The following CNTNAP2 variants were observed in gnomAD, a reference collection of about 807,000 sequenced individuals.
CNTNAP2 encodes the protein contactin-associated protein-like 2.
In CNTNAP2, 98 loss-of-function variants were observed where a neutral mutation model predicts 155.2. The observed-to-expected ratio is 0.63, with a 90% CI of 0.54 to 0.75. The LOEUF is 0.75. CNTNAP2 is among the 30% of genes least tolerant of loss of function. The pLI, the probability that CNTNAP2 is intolerant of heterozygous loss-of-function variation, is 0.00. For synonymous variants in CNTNAP2, 651 were observed against 631.2 expected (o/e 1.03, Z -0.47); for missense variants, 1,727 against 1,688.1 (o/e 1.02, Z -0.40).
At chr7:148,062,013 G>T (rs1563185665) in intron 15 of CNTNAP2, among the ~76,000 whole-genome samples, 70 of 128,998 alleles carry the variant, frequency 5.4e-4, no homozygotes, top group Non-Finnish European at 9.1e-4. Context: ...ATAGATGATA[G>T]AGAGAGAGAG....
intron 8 of CNTNAP2, among the ~76,000 whole-genome samples, chr7:147,296,437 C>A (rs961719157): frequency 1.2e-4 from 18 of 152,144 alleles, no homozygotes; most frequent in African/African-American, 4.3e-4. Context: ...AAGAATAAGC[C>A]TTTACATGCA....
At chr7:147,080,014 T>C (rs1406944909) in intron 4 of CNTNAP2, among the ~76,000 whole-genome samples, 1 of 151,476 alleles carries the variant, frequency 6.6e-6, no homozygotes, top group Admixed American at 6.6e-5. Flanking sequence ...TTTTTTTTTT[T>C]TTTGCATAGC....
In CNTNAP2 at chr7:147,848,246, G is replaced by A. The variant is rs926395269; in HGVS notation, c.2099-55319G>A. On this transcript the variant is annotated intron_variant, in intron 13 of 23. Transcript: ENST00000361727. ...TCAGACTGCTGTGCTAGCAATCAGCGAGATTCCGTAGGCGTAGGACCCTCT... is the reference window on the plus strand; with the variant it reads ...TCAGACTGCTGTGCTAGCAATCAGCAAGATTCCGTAGGCGTAGGACCCTCT... Among the ~76,000 whole-genome samples the A allele has an allele frequency of 1.4e-4, 21 of 146,970 alleles. 1 individual carries two copies. The highest frequency in any genetic ancestry group is 3.5e-3 in the Middle Eastern group (1 of 282).
chr7:146,471,751 C>T (rs191881334), intron 1 of CNTNAP2, among the ~76,000 whole-genome samples: 18 of 152,326 alleles, frequency 1.2e-4, no homozygotes, highest in East Asian at 3.9e-4. Context: ...AGTGTAGGCA[C>T]ATTTTGAATT....
chr7:147,962,283 C>T (rs1415793841), intron 14 of CNTNAP2, among the ~76,000 whole-genome samples: 3 of 152,170 alleles, frequency 2.0e-5, no homozygotes, highest in Non-Finnish European at 4.4e-5. Flanking sequence ...AATTCATACT[C>T]GGATATAGTT....
At chr7:146,711,768 TAG>T in intron 1 of CNTNAP2, among the ~76,000 whole-genome samples, 1 of 140,816 alleles carries the variant, frequency 7.1e-6, no homozygotes, top group Non-Finnish European at 1.6e-5. Flanking sequence ...TATACATATA[TAG>T]TATACACATC....
intron 21 of CNTNAP2, among the ~76,000 whole-genome samples, chr7:148,361,592 T>G (rs1798620961): frequency 6.6e-6 from 1 of 152,238 alleles, no homozygotes; most frequent in South Asian, 2.1e-4. Context: ...TGTCTCCACC[T>G]GCCTTTCTCC....
intron 8 of CNTNAP2, among the ~76,000 whole-genome samples, chr7:147,148,162 G>C (rs572452081): frequency 6.6e-6 from 1 of 151,804 alleles, no homozygotes; most frequent in African/African-American, 2.4e-5. Flanking sequence ...AGGCCGAGGC[G>C]GGCGGATCAT....
intron 1 of CNTNAP2, among the ~76,000 whole-genome samples, chr7:146,264,651 G>C (rs1437779019): frequency 1.3e-5 from 2 of 152,170 alleles, no homozygotes; most frequent in Admixed American, 6.6e-5. Flanking sequence ...TTATCTGATG[G>C]TAGGGAAGAA....
At chr7:146,710,850 G>A (rs898572919) in intron 1 of CNTNAP2, among the ~76,000 whole-genome samples, 4 of 152,028 alleles carry the variant, frequency 2.6e-5, no homozygotes, top group South Asian at 2.1e-4. Context: ...TAAGGGGCTA[G>A]TACTCCTCAC....
intron 1 of CNTNAP2, among the ~76,000 whole-genome samples, chr7:146,399,409 A>G (rs1795682567): frequency 6.6e-6 from 1 of 152,128 alleles, no homozygotes; most frequent in Non-Finnish European, 1.5e-5. Context: ...CCATTTATAC[A>G]TGAGATCATG....
intron 1 of CNTNAP2, among the ~76,000 whole-genome samples, chr7:146,501,354 T>C (rs1797297620): frequency 6.6e-6 from 1 of 152,100 alleles, no homozygotes; most frequent in African/African-American, 2.4e-5. Flanking sequence ...AAGTTTCTGT[T>C]GTGGAAATTT....
At chr7:147,942,972 G>A (rs1224723237) in intron 14 of CNTNAP2, among the ~76,000 whole-genome samples, 1 of 151,956 alleles carries the variant, frequency 6.6e-6, no homozygotes, top group Admixed American at 6.6e-5. Context: ...GGGAGGCGGA[G>A]CTTGCAGTGA....
intron 1 of CNTNAP2, among the ~76,000 whole-genome samples, chr7:146,216,732 AAC>A (rs1799120196): frequency 6.6e-6 from 1 of 152,226 alleles, no homozygotes; most frequent in South Asian, 2.1e-4. Context: ...CTCTGGAGAA[AAC>A]ACATGAAATC....
intron 1 of CNTNAP2, among the ~76,000 whole-genome samples, chr7:146,292,728 A>C (rs931835195): frequency 6.6e-6 from 1 of 152,238 alleles, no homozygotes; most frequent in African/African-American, 2.4e-5. Context: ...CATTTGTGAC[A>C]ACAGTGAAAT....
intron 1 of CNTNAP2, among the ~76,000 whole-genome samples, chr7:146,504,161 C>G (rs1478529895): frequency 6.6e-6 from 1 of 152,236 alleles, no homozygotes; most frequent in African/African-American, 2.4e-5. Context: ...GCTCCACCCT[C>G]TAGGCTAAGG....
At chr7:148,394,560 T>G (rs1338217528) in intron 22 of CNTNAP2, among the ~76,000 whole-genome samples, 1 of 152,248 alleles carries the variant, frequency 6.6e-6, no homozygotes, top group Admixed American at 6.5e-5. Context: ...AAATTTTTAC[T>G]GGGATTAAGG....
At chr7:147,056,027 A>G (rs763609332) in intron 4 of CNTNAP2, among the ~76,000 whole-genome samples, 37 of 152,336 alleles carry the variant, frequency 2.4e-4, no homozygotes, top group Admixed American at 5.9e-4. Flanking sequence ...TTGGCTCTAC[A>G]TAAGATGTTT....
intron 3 of CNTNAP2, among the ~76,000 whole-genome samples, chr7:146,958,850 T>C (rs1283153597): frequency 2.0e-5 from 3 of 152,126 alleles, no homozygotes; most frequent in Non-Finnish European, 4.4e-5. Flanking sequence ...AGAGTTTCTC[T>C]TCATTATGAT....
Sources: allele counts gnomAD v4.1 joint callset (sites outside exome capture counted in the v4.1 genomes callset), GRCh38; gene constraint gnomAD v4.1.1; transcripts MANE v1.5; gene names NCBI Gene and HGNC (gene_info 2026-07-23, HGNC 2026-07-21).